The following USP31 variants were observed in gnomAD, a reference collection of about 807,000 sequenced individuals.
USP31 encodes ubiquitin specific peptidase 31.
In USP31, 44 loss-of-function variants were observed where a neutral mutation model predicts 119.4. The observed-to-expected ratio is 0.37, with a 90% CI of 0.29 to 0.47. The LOEUF (loss-of-function observed/expected upper bound fraction) is 0.47. USP31 is among the 20% of genes least tolerant of loss of function. The probability of loss-of-function intolerance (pLI) is 0.99; values close to 1 mark genes in which losing one functional copy is unlikely to be tolerated. For missense variants in USP31, 1,643 were observed against 1,730.2 expected, an observed-to-expected ratio of 0.95 and a Z score of 0.89; for synonymous variants, 749 against 705.6, an observed-to-expected ratio of 1.06 and a Z score of -0.97.
At chr16:23,092,319 C>G (rs1278588620) in intron 6 of USP31, among the ~76,000 whole-genome samples, 1 of 152,156 alleles carries the variant, frequency 6.6e-6, no homozygotes, top group African/African-American at 2.4e-5. Context: ...GGGGTGGGAA[C>G]AGGATTTTGA....
intron 1 of USP31, among the ~76,000 whole-genome samples, chr16:23,132,137 C>T (rs1317690339): frequency 3.3e-5 from 5 of 152,094 alleles, no homozygotes; most frequent in African/African-American, 4.8e-5. Flanking sequence ...CACAATCAAA[C>T]GAAAGACAAG....
At chr16:23,097,949 C>T (rs2141862289) in intron 6 of USP31, among the ~76,000 whole-genome samples, 1 of 152,232 alleles carries the variant, frequency 6.6e-6, no homozygotes, top group Non-Finnish European at 1.5e-5. Flanking sequence ...TCCTATTCAA[C>T]ATAGTGTTGG....
intron 15 of USP31, among the ~76,000 whole-genome samples, chr16:23,071,145 G>A (rs1900326700): frequency 6.6e-6 from 1 of 152,186 alleles, no homozygotes; most frequent in Non-Finnish European, 1.5e-5. Flanking sequence ...AAGAGGAAGA[G>A]GCAACAAGCC....
At chr16:23,073,304 A>T (rs964013733) in intron 14 of USP31, among the ~76,000 whole-genome samples, 1 of 152,174 alleles carries the variant, frequency 6.6e-6, no homozygotes, top group Non-Finnish European at 1.5e-5. Context: ...ACACACATTT[A>T]TCTAACTGGA....
intron 1 of USP31, among the ~76,000 whole-genome samples, chr16:23,132,859 G>A (rs549566851): frequency 3.9e-5 from 6 of 152,148 alleles, no homozygotes; most frequent in South Asian, 2.1e-4. Context: ...CCCAAACACC[G>A]TTTTAAAACC....
At chr16:23,095,181 T>C (rs571638004) in intron 6 of USP31, among the ~76,000 whole-genome samples, 1 of 152,268 alleles carries the variant, frequency 6.6e-6, no homozygotes, top group East Asian at 1.9e-4. Context: ...GACCATGGCA[T>C]GAGGACTTTG....
intron 10 of USP31, 22 bp from the exon 11 acceptor site, chr16:23,085,011 T>A: frequency 1.2e-6 from 2 of 1,612,788 alleles, no homozygotes; most frequent in Non-Finnish European, 8.5e-7. Context: ...GGGAAAAGCA[T>A]CTATCAGGGA....
chr16:23,149,086 C>A lies in USP31; in HGVS notation c.185G>T (p.Gly62Val). ...PSSPSSARSV[G>V]SFMSRVLKTL... ...CTTGAGAACGCGGCTCATGAAGCTG[C>A]CCACCGAGCGTGCAGAGGAGGGCGA... Residue 62 changes from glycine to valine, a missense_variant, in exon 1 of 16, where the codon GGC (glycine) becomes GTC (valine). Around this residue, in one of 5 missense-constraint regions of USP31, gnomAD observed 302 missense variants for 262.6 expected, o/e 1.15. Coordinates refer to ENST00000219689, the MANE Select transcript of USP31 (RefSeq NM_020718.4). The A allele has an allele frequency of 7.8e-7, 1 of 1,278,174 alleles. No homozygotes were observed. Among genetic ancestry groups the A allele is most frequent in the Non-Finnish European group, 1.0e-6 (1 of 988,666 alleles). 79.2% of individuals were successfully genotyped at this position (1,278,174 alleles called of 1,614,324 possible).
chr16:23,148,021 T>C (rs1903575093), intron 1 of USP31, among the ~76,000 whole-genome samples: 1 of 152,220 alleles, frequency 6.6e-6, no homozygotes, highest in Non-Finnish European at 1.5e-5. Flanking sequence ...TGATATTATC[T>C]CGTTAACTTC....
At position 23,068,912 on chromosome 16, in the gene USP31, T is replaced by C. The variant is rs1900214913; in HGVS notation, c.3193A>G (p.Lys1065Glu). Residue 1065 changes from lysine (K) to glutamate (E), a missense_variant, in exon 16 of 16, where the codon AAA becomes GAA. Physicochemically the swap from Lys to Glu is moderately conservative, Grantham distance 56. This residue lies in a region of USP31 where 699 missense variants were observed against 650.9 expected (regional missense o/e 1.07). Transcript: ENST00000219689. ...GAGCGGGAGGGCTTTAGAGAGACTT[T>C]TACAGGAAGAGGAGAAGAAGGGGAT... is the stretch of plus-strand genomic sequence containing the variant. ...STSPSSPLPV[K>E]VSLKPSRSRS... is the part of the protein sequence containing the mutation. 2 of 1,612,776 alleles carry C rather than the reference T, an allele frequency of 1.2e-6. No individual in the cohort carries two copies. The highest frequency in any genetic ancestry group is 1.7e-6 in the Non-Finnish European group (2 of 1,179,550).
chr16:23,091,670 C>A (rs1327187211), intron 6 of USP31, among the ~76,000 whole-genome samples: 1 of 152,072 alleles, frequency 6.6e-6, no homozygotes, highest in Non-Finnish European at 1.5e-5. Flanking sequence ...TATTAAGATA[C>A]CTCAACATTA....
rs939869430 is a variant in USP31 at position 23,074,865 on chromosome 16, C to T, written c.2177-985G>A. Among the ~76,000 whole-genome samples the T allele has an allele frequency of 2.0e-5, 3 of 152,194 alleles. No individual in the cohort carries two copies. The East Asian group carries it at 5.8e-4, about 29-fold the overall frequency. ...GTTATAAGCTTGATCCAGAAAAGTA[C>T]ATTATGATCACATTTTCTAAAAATA... On this transcript the variant is annotated intron_variant, in intron 13 of 15. Coordinates refer to ENST00000219689, the MANE Select transcript of USP31 (RefSeq NM_020718.4).
intron 15 of USP31, 102 bp downstream of exon 15, chr16:23,071,943 C>T: frequency 6.7e-7 from 1 of 1,483,822 alleles, no homozygotes; most frequent in Non-Finnish European, 9.0e-7. Context: ...TTTGGGTTCT[C>T]CTACCATCTC....
chr16:23,085,906 A>C (rs546161852), intron 9 of USP31, among the ~76,000 whole-genome samples: 1 of 152,332 alleles, frequency 6.6e-6, no homozygotes, highest in Non-Finnish European at 1.5e-5. Flanking sequence ...AATAATAAAG[A>C]GGTTGGAAGA....
chr16:23,077,688 A>G (rs1373286422), intron 13 of USP31, among the ~76,000 whole-genome samples: 1 of 152,224 alleles, frequency 6.6e-6, no homozygotes, highest in Non-Finnish European at 1.5e-5. Context: ...ATACATATAT[A>G]ACACACTGAG....
intron 1 of USP31, among the ~76,000 whole-genome samples, chr16:23,139,538 A>G (rs1903292743): frequency 6.6e-6 from 1 of 152,142 alleles, no homozygotes; most frequent in Non-Finnish European, 1.5e-5. Flanking sequence ...TTTTCCTGCT[A>G]CCTCTCTGAC....
At chr16:23,098,989 A>C (rs1322701547) in intron 6 of USP31, among the ~76,000 whole-genome samples, 2 of 152,236 alleles carry the variant, frequency 1.3e-5, no homozygotes, top group African/African-American at 4.8e-5. Flanking sequence ...AATTAAACTA[A>C]AGAGCTTCTG....
chr16:23,087,276 A>C lies in USP31; in HGVS notation c.1528-90T>G, dbSNP rs190226312. ...CATTTCCAAAACAGATTAGAGTTAC[A>C]GTAAACTGTTTATTCTGCAAAATGC... On this transcript the variant is annotated intron_variant, in intron 8 of 15. Coordinates refer to ENST00000219689, the MANE Select transcript of USP31 (RefSeq NM_020718.4). 9.6e-6 allele frequency: 11 copies of C among 1,149,246 alleles called. 1 individual carries two copies. In the Admixed American group the frequency reaches 1.1e-4, roughly 11 times the overall value. The allele number at this position is 1,149,246 out of a possible 1,614,324, so 71.2% of individuals were successfully genotyped here.
In USP31 at chr16:23,082,636, G is replaced by A. The variant is rs531229285; in HGVS notation, c.1831-79C>T. Reference sequence around the variant, plus strand: ...ACAGCTGGACTAATGCCTTAGCCAGGGCATGGTGCAACTCAAAATCTCTCT... The same window carrying A: ...ACAGCTGGACTAATGCCTTAGCCAGAGCATGGTGCAACTCAAAATCTCTCT... On this transcript the variant is annotated intron_variant, in intron 11 of 15. Transcript: ENST00000219689. 1.9e-6 allele frequency: 3 copies of A among 1,582,618 alleles called. No homozygotes were observed. In the African/African-American group the frequency reaches 4.0e-5, roughly 21 times the overall value.
Sources: allele counts gnomAD v4.1 joint callset (sites outside exome capture counted in the v4.1 genomes callset), GRCh38; gene constraint gnomAD v4.1.1; regional missense constraint gnomAD v4.1.1; transcripts MANE v1.5; gene names NCBI Gene and HGNC (gene_info 2026-07-23, HGNC 2026-07-21).